TNRC6A: variants seen among roughly 807,000 people sequenced by gnomAD.
The protein encoded by TNRC6A is trinucleotide repeat containing adaptor 6A.
TNRC6A carries 44 observed loss-of-function variants against 221.2 expected under a neutral mutation model. That is an observed-to-expected ratio of 0.20 (90% CI 0.16 to 0.26). The LOEUF (loss-of-function observed/expected upper bound fraction) is 0.26, where lower values mean the gene tolerates loss of function less well. Among genes scored for constraint, TNRC6A ranks in the 10% least tolerant of loss-of-function variants. TNRC6A has a pLI of 1.00. For synonymous variants in TNRC6A, 847 were observed against 838.5 expected, an observed-to-expected ratio of 1.01 and a Z score of -0.18; for missense variants, 2,199 against 2,404.4, an observed-to-expected ratio of 0.91 and a Z score of 1.79.
intron 2 of TNRC6A, among the ~76,000 whole-genome samples, chr16:24,683,491 C>T (rs1343133719): frequency 2.0e-5 from 3 of 152,186 alleles, no homozygotes; most frequent in African/African-American, 7.2e-5. Context: ...GCCACCGTGC[C>T]CAGCCCCTAT....
chr16:24,634,660 A>C (rs1901532996), intron 1 of TNRC6A, among the ~76,000 whole-genome samples: 1 of 152,194 alleles, frequency 6.6e-6, no homozygotes, highest in Non-Finnish European at 1.5e-5. Flanking sequence ...CCCTACTAAG[A>C]AAACAGAATT....
intron 2 of TNRC6A, among the ~76,000 whole-genome samples, chr16:24,696,139 G>A (rs1325998064): frequency 1.3e-5 from 2 of 152,014 alleles, no homozygotes; most frequent in Non-Finnish European, 2.9e-5. Flanking sequence ...ACGAGGTCAG[G>A]AGATCAAGAC....
intron 18 of TNRC6A, among the ~76,000 whole-genome samples, chr16:24,813,004 C>G (rs931953445): frequency 6.6e-6 from 1 of 150,828 alleles, no homozygotes; most frequent in African/African-American, 2.4e-5. Flanking sequence ...GCCTCCCGAG[C>G]AGCTGGGATT....
At chr16:24,700,731 G>T (rs2055956221) in intron 2 of TNRC6A, among the ~76,000 whole-genome samples, 1 of 152,128 alleles carries the variant, frequency 6.6e-6, no homozygotes, top group Non-Finnish European at 1.5e-5. Context: ...CCAGTGAGAT[G>T]CTGTCCTTAG....
At position 24,824,106 on chromosome 16, in the gene TNRC6A, TTTC is replaced by T. The variant is rs1186400777; in HGVS notation, c.*300_*302del. 1.4e-4 allele frequency: 25 copies of T among 181,930 alleles called. No homozygotes were observed. Among genetic ancestry groups the T allele is most frequent in the Non-Finnish European group, 2.2e-4 (20 of 90,844 alleles). The allele number at this position is 181,930 out of a possible 1,614,324, so 11.3% of individuals were successfully genotyped here. ...TTAGCCTTTGGATTCTTTTTTTTTT[TTTC>T]CTTCTATTCCTCCCCAACCCCCCCC... On this transcript the variant is annotated 3_prime_UTR_variant, in exon 25 of 25. Coordinates refer to ENST00000395799, the MANE Select transcript of TNRC6A (RefSeq NM_014494.4).
chr16:24,744,498 T>C (rs2056959731), intron 2 of TNRC6A, among the ~76,000 whole-genome samples: 1 of 152,224 alleles, frequency 6.6e-6, no homozygotes, highest in Admixed American at 6.5e-5. Flanking sequence ...ATTCACTCAC[T>C]CAATCATTCA....
chr16:24,766,749 T>G (rs915279326), intron 4 of TNRC6A, among the ~76,000 whole-genome samples: 1 of 148,210 alleles, frequency 6.7e-6, no homozygotes, highest in African/African-American at 2.5e-5. Flanking sequence ...CGATCTCAGC[T>G]CACTGCAACC....
At chr16:24,685,619 G>A (rs2055611327) in intron 2 of TNRC6A, among the ~76,000 whole-genome samples, 2 of 152,166 alleles carry the variant, frequency 1.3e-5, no homozygotes, top group South Asian at 4.1e-4. Context: ...GATTCTGGGT[G>A]TGAACCACCG....
At chr16:24,819,940 A>G (rs1025104195) in intron 21 of TNRC6A, among the ~76,000 whole-genome samples, 199 bp from the exon 22 acceptor site, 2 of 152,162 alleles carry the variant, frequency 1.3e-5, no homozygotes, top group Non-Finnish European at 2.9e-5. Context: ...TAACAGATCA[A>G]TGGCTTGAGT....
intron 5 of TNRC6A, among the ~76,000 whole-genome samples, chr16:24,783,072 T>C (rs2057887481): frequency 6.6e-6 from 1 of 152,192 alleles, no homozygotes; most frequent in South Asian, 2.1e-4. Context: ...GCTGTATATT[T>C]AGAAGAAAAA....
Position 24,814,240 on chromosome 16 carries a change from G to A in TNRC6A, c.4673-907G>A, listed in dbSNP as rs188441892. Among the ~76,000 whole-genome samples the A allele has an allele frequency of 1.1e-3, 166 of 152,142 alleles. 5 individuals are homozygous for A. The East Asian group carries it at 0.022, about 20-fold the overall frequency. Reference sequence around the variant, plus strand: ...CAGAGGAAAGAGTGGGGCTGGAGTGGCATGCAGGGCCCGGCTGTGTGTTAT... The same window carrying A: ...CAGAGGAAAGAGTGGGGCTGGAGTGACATGCAGGGCCCGGCTGTGTGTTAT... On this transcript the variant is annotated intron_variant, in intron 18 of 24. Transcript: ENST00000395799.
intron 2 of TNRC6A, among the ~76,000 whole-genome samples, chr16:24,718,807 C>T (rs1344095504): frequency 6.6e-6 from 1 of 151,610 alleles, no homozygotes; most frequent in African/African-American, 2.4e-5. Context: ...GAGGCTGAGG[C>T]GGGCGGATCA....
chr16:24,713,312 G>A (rs937583388), intron 2 of TNRC6A, among the ~76,000 whole-genome samples: 3 of 151,932 alleles, frequency 2.0e-5, no homozygotes, highest in Admixed American at 6.6e-5. Flanking sequence ...CAGCTACTCA[G>A]ACAACTGAAG....
At chr16:24,764,247 T>C (rs776271724) in intron 4 of TNRC6A, among the ~76,000 whole-genome samples, 3 of 152,146 alleles carry the variant, frequency 2.0e-5, no homozygotes, top group Non-Finnish European at 4.4e-5. Flanking sequence ...TTCATCCATG[T>C]TGTGGCAAAT....
Position 24,789,387 on chromosome 16 carries a change from T to C in TNRC6A, c.745T>C (p.Leu249=), listed in dbSNP as rs1480533332. Residue 249 remains leucine, a synonymous_variant, in exon 6 of 25, where the codon TTG becomes CTG. Coordinates refer to ENST00000395799, the MANE Select transcript of TNRC6A (RefSeq NM_014494.4). ...WPSAPGSDPE[L]ASECMDADSA... is the part of the protein sequence containing the mutation. ...CTCAGCCCCTGGCAGTGATCCGGAG[T>C]TGGCTTCAGAATGTATGGATGCTGA... is the stretch of plus-strand genomic sequence containing the variant. 8 of 1,614,180 alleles carry C rather than the reference T, an allele frequency of 5.0e-6. No homozygotes were observed. Among genetic ancestry groups the C allele is most frequent in the Non-Finnish European group, 6.8e-6 (8 of 1,180,030 alleles).
chr16:24,615,787 A>G (rs1028827666), intron 1 of TNRC6A, among the ~76,000 whole-genome samples: 7 of 152,160 alleles, frequency 4.6e-5, no homozygotes, highest in African/African-American at 1.7e-4. Context: ...GCTACTCAGG[A>G]AGCTGAGGTA....
intron 2 of TNRC6A, among the ~76,000 whole-genome samples, chr16:24,747,556 A>G (rs959245570): frequency 6.6e-6 from 1 of 152,148 alleles, no homozygotes; most frequent in African/African-American, 2.4e-5. Flanking sequence ...GTTGTGGTAA[A>G]TGATATAGTC....
upstream of TNRC6A, among the ~76,000 whole-genome samples, chr16:24,729,069 T>C (rs1467532449): frequency 6.6e-6 from 1 of 152,052 alleles, no homozygotes; most frequent in Non-Finnish European, 1.5e-5. Flanking sequence ...CCAGAATTAT[T>C]TCCTGAGCAG....
Position 24,632,304 on chromosome 16 carries a change from T to C in TNRC6A, n.277-8580T>C, listed in dbSNP as rs534502038. 3.3e-5 allele frequency among the ~76,000 whole-genome samples: 5 copies of C among 152,204 alleles called. No individual in the cohort carries two copies. The East Asian group carries it at 9.7e-4, about 29-fold the overall frequency. The stretch of plus-strand genomic sequence containing the variant: ...TACAGGTCCAAACCAGAATTCTTGA[T>C]TTCCCCTCAAAACAAACCTGTCTCC... On this transcript the variant is annotated intron_variant and non_coding_transcript_variant, in intron 1 of 2. Transcript: ENST00000566108.
Sources: gnomAD v4.1 joint callset for allele counts (sites outside exome capture counted in the v4.1 genomes callset) on GRCh38, gnomAD v4.1.1 for gene constraint, MANE v1.5 for transcripts, NCBI Gene and HGNC (gene_info 2026-07-23, HGNC 2026-07-21) for gene names.